The following FSTL1 variants were observed in gnomAD, a reference collection of about 807,000 sequenced individuals.
FSTL1 encodes the protein follistatin like 1.
A neutral mutation model predicts 45.9 loss-of-function variants in FSTL1; 24 were observed. That is an observed-to-expected ratio of 0.52 (90% CI 0.38 to 0.74). The LOEUF is 0.74. FSTL1 is among the 30% of genes least tolerant of loss of function. The pLI is 0.00. For missense variants in FSTL1, 340 were observed against 381.8 expected (o/e 0.89, Z 0.91); for synonymous variants, 120 against 137.6 (o/e 0.87, Z 0.89).
At chr3:120,442,369 T>C (rs1158740951) in intron 2 of FSTL1, among the ~76,000 whole-genome samples, 2 of 138,518 alleles carry the variant, frequency 1.4e-5, no homozygotes, top group African/African-American at 2.5e-5. Context: ...AGAGACATTA[T>C]GTGACTTTAA....
chr3:120,449,864 A>G (rs970121974), intron 2 of FSTL1, among the ~76,000 whole-genome samples: 39 of 152,114 alleles, frequency 2.6e-4, no homozygotes, highest in Non-Finnish European at 1.0e-4. Context: ...ATAATTATCA[A>G]ATGTTTAGTT....
rs1553789463 is a variant in FSTL1, at chr3:120,403,931, A to AAC, written c.582-578_582-577insGT. Among the ~76,000 whole-genome samples the AAC allele has an allele frequency of 9.2e-5, 12 of 130,500 alleles. 1 individual carries two copies. The highest frequency in any genetic ancestry group is 2.3e-4 in the African/African-American group (8 of 34,896). The allele number at this position is 130,500 out of a possible 152,430, so 85.6% of individuals were successfully genotyped here. ...GCGAGACTCCGTCTCAAAAAAAAAA[A>AAC]AAAAAAAAAAAAACAAAAACAAAAC... is the stretch of plus-strand genomic sequence containing the variant. On this transcript the variant is annotated intron_variant, in intron 7 of 10. Coordinates refer to ENST00000295633, the MANE Select transcript of FSTL1 (RefSeq NM_007085.5).
At chr3:120,435,768 A>C (rs796860445) in intron 2 of FSTL1, among the ~76,000 whole-genome samples, 23 of 152,350 alleles carry the variant, frequency 1.5e-4, no homozygotes, top group African/African-American at 5.3e-4. Flanking sequence ...ACTACACGAC[A>C]ATGCCATTTA....
At chr3:120,412,036 G>GACACACAC in intron 3 of FSTL1, 53 bp from the exon 4 acceptor site, 1 of 1,425,880 alleles carries the variant, frequency 7.0e-7, no homozygotes, top group South Asian at 1.3e-5. Flanking sequence ...TCGACACACA[G>GACACACAC]ACACACACAC....
chr3:120,442,967 T>G (rs1937656604), intron 2 of FSTL1, among the ~76,000 whole-genome samples: 1 of 125,980 alleles, frequency 7.9e-6, no homozygotes, highest in East Asian at 2.7e-4. Context: ...GGGGGAGGGA[T>G]AGCATTGGGA....
intron 2 of FSTL1, among the ~76,000 whole-genome samples, chr3:120,426,079 T>C (rs1937374401): frequency 6.6e-6 from 1 of 152,200 alleles, no homozygotes; most frequent in African/African-American, 2.4e-5. Flanking sequence ...TGTCTGGGGC[T>C]GCCAGGGCTC....
intron 2 of FSTL1, among the ~76,000 whole-genome samples, chr3:120,443,088 T>C (rs141412000): frequency 0.014 from 2,085 of 147,410 alleles, 272 homozygotes; most frequent in African/African-American, 0.054. Flanking sequence ...AAACTTAAAG[T>C]ATAATAATAA....
At chr3:120,432,894 G>A (rs949900712) in intron 2 of FSTL1, among the ~76,000 whole-genome samples, 6 of 152,214 alleles carry the variant, frequency 3.9e-5, no homozygotes, top group Non-Finnish European at 5.9e-5. Context: ...TCCCCAGAAT[G>A]AGACTTCGCC....
At position 120,393,937 on chromosome 3, in the gene FSTL1, T is replaced by C. The variant is rs1263161684; in HGVS notation, c.*3015A>G. 6.6e-6 allele frequency: 1 copy of C among 152,250 alleles called. No homozygotes were observed. Among genetic ancestry groups the C allele is most frequent in the African/African-American group, 2.4e-5 (1 of 41,464 alleles). The allele number at this position is 152,250 out of a possible 1,614,324, so 9.4% of individuals were successfully genotyped here. On this transcript the variant is annotated 3_prime_UTR_variant, in exon 11 of 11. Transcript: ENST00000295633. ...CGTCATCAGACACTGAATCTGCTGG[T>C]ACCTTGATCTTAGGCTTCCCAGCCT...
At chr3:120,428,413 G>C (rs544385861) in intron 2 of FSTL1, among the ~76,000 whole-genome samples, 43 of 152,270 alleles carry the variant, frequency 2.8e-4, no homozygotes, top group South Asian at 2.1e-3. Context: ...ACCCAGCATA[G>C]CAAAGTAGCA....
chr3:120,422,340 A>G (rs1377315645), intron 2 of FSTL1, among the ~76,000 whole-genome samples: 1 of 152,226 alleles, frequency 6.6e-6, no homozygotes, highest in African/African-American at 2.4e-5. Context: ...AATTTTCTCA[A>G]CATGCACACA....
intron 2 of FSTL1, among the ~76,000 whole-genome samples, chr3:120,430,767 A>T (rs767100427): frequency 4.6e-5 from 7 of 152,218 alleles, no homozygotes; most frequent in Non-Finnish European, 1.0e-4. Context: ...AGGAGGAGTA[A>T]AGCACACTCT....
At chr3:120,431,863 C>T (rs188545897) in intron 2 of FSTL1, among the ~76,000 whole-genome samples, 1 of 152,252 alleles carries the variant, frequency 6.6e-6, no homozygotes, top group East Asian at 1.9e-4. Flanking sequence ...GACCAGGATA[C>T]TGAGTAATGA....
chr3:120,416,059 G>C, intron 2 of FSTL1, 32 bp from the exon 3 acceptor site: 2 of 1,424,148 alleles, frequency 1.4e-6, no homozygotes, highest in South Asian at 1.1e-5. Flanking sequence ...GAAACCGTGT[G>C]ACTGAGATGA....
intron 6 of FSTL1, 60 bp downstream of exon 6, chr3:120,409,472 G>A: frequency 1.3e-6 from 2 of 1,488,406 alleles, no homozygotes; most frequent in South Asian, 2.3e-5. Flanking sequence ...ATCGGGCAAT[G>A]GGAGGAGGAA....
At chr3:120,404,181 A>G (rs963512853) in intron 7 of FSTL1, among the ~76,000 whole-genome samples, 2 of 152,212 alleles carry the variant, frequency 1.3e-5, no homozygotes, top group Admixed American at 6.5e-5. Flanking sequence ...CGTTGAAATT[A>G]TAAAACATAT....
intron 2 of FSTL1, among the ~76,000 whole-genome samples, chr3:120,439,956 A>G (rs911271556): frequency 6.6e-6 from 1 of 152,118 alleles, no homozygotes; most frequent in African/African-American, 2.4e-5. Context: ...TCCACTAAAA[A>G]CACAAAAATT....
intron 6 of FSTL1, among the ~76,000 whole-genome samples, chr3:120,405,628 G>C (rs1218281889): frequency 6.6e-6 from 1 of 152,196 alleles, no homozygotes; most frequent in Non-Finnish European, 1.5e-5. Context: ...TGCCCTGTGG[G>C]CCCCACTGCA....
At chr3:120,449,879 A>G (rs1483191050) in intron 2 of FSTL1, among the ~76,000 whole-genome samples, 2 of 152,104 alleles carry the variant, frequency 1.3e-5, no homozygotes, top group African/African-American at 2.4e-5. Flanking sequence ...TTAGTTTCTG[A>G]CCTCACTTTC....
Sources: gnomAD v4.1 joint callset for allele counts (sites outside exome capture counted in the v4.1 genomes callset) on GRCh38, gnomAD v4.1.1 for gene constraint, MANE v1.5 for transcripts, NCBI Gene and HGNC (gene_info 2026-07-23, HGNC 2026-07-21) for gene names.